The following CLASP1 variants were observed in gnomAD, a reference collection of about 807,000 sequenced individuals.
The protein encoded by CLASP1 is cytoplasmic linker associated protein 1.
Under a neutral mutation model 192.3 loss-of-function variants are expected in CLASP1, and 38 were observed. The ratio of observed to expected loss-of-function variants is 0.20; its 90% CI spans 0.15 to 0.26. The LOEUF (loss-of-function observed/expected upper bound fraction) is 0.26. CLASP1 is among the 10% of genes least tolerant of loss of function. CLASP1 has a pLI of 1.00. For synonymous variants in CLASP1, 691 were observed against 712.8 expected (o/e 0.97, Z 0.49); for missense variants, 1,433 against 1,932.5 (o/e 0.74, Z 4.85).
intron 39 of CLASP1, among the ~76,000 whole-genome samples, chr2:121,344,844 C>T (rs1206252166): frequency 1.3e-5 from 2 of 152,064 alleles, no homozygotes; most frequent in African/African-American, 2.4e-5. Flanking sequence ...TTCATATGAA[C>T]ATACCAGAGC....
intron 2 of CLASP1, chr2:121,530,981 C>A (rs148828161): frequency 2.9e-6 from 2 of 700,310 alleles, no homozygotes; most frequent in South Asian, 3.0e-5. Flanking sequence ...AGAGCTTTTG[C>A]TTTATTTTGG....
chr2:121,595,916 A>T (rs776451569), intron 2 of CLASP1, among the ~76,000 whole-genome samples: 9 of 152,254 alleles, frequency 5.9e-5, no homozygotes, highest in Admixed American at 2.6e-4. Context: ...GGGCTTATAT[A>T]CATGGGCTTA....
chr2:121,587,517 T>C (rs899321768), intron 2 of CLASP1, among the ~76,000 whole-genome samples: 2 of 152,100 alleles, frequency 1.3e-5, no homozygotes, highest in East Asian at 3.9e-4. Context: ...CTTAGAAGAA[T>C]ATGTGATGAA....
chr2:121,625,504 G>A (rs1416277165), intron 1 of CLASP1, among the ~76,000 whole-genome samples: 5 of 142,076 alleles, frequency 3.5e-5, no homozygotes, highest in Non-Finnish European at 6.0e-5. Flanking sequence ...GCACAATCTC[G>A]GCTCAATGCA....
chr2:121,484,441 C>G (rs1483226332), intron 8 of CLASP1, among the ~76,000 whole-genome samples: 2 of 152,210 alleles, frequency 1.3e-5, no homozygotes, highest in African/African-American at 4.8e-5. Flanking sequence ...CACCAACAAA[C>G]ATCCCATGGT....
At chr2:121,563,334 A>T (rs1297754998) in intron 2 of CLASP1, among the ~76,000 whole-genome samples, 4 of 152,246 alleles carry the variant, frequency 2.6e-5, no homozygotes, top group Non-Finnish European at 4.4e-5. Flanking sequence ...AAGGAGATGT[A>T]TAAAGCAACA....
chr2:121,589,566 G>T (rs1315247337), intron 2 of CLASP1, among the ~76,000 whole-genome samples: 1 of 150,756 alleles, frequency 6.6e-6, no homozygotes, highest in Non-Finnish European at 1.5e-5. Flanking sequence ...GGAGGCAGAG[G>T]TTGCGGTGAG....
chr2:121,530,873 C>G lies in CLASP1; in HGVS notation c.196-548G>C, dbSNP rs376053483. The G allele has an allele frequency of 5.7e-4, 391 of 683,854 alleles. No homozygotes were observed. The highest frequency in any genetic ancestry group is 3.0e-3 in the Middle Eastern group (8 of 2,678). 42.4% of individuals were successfully genotyped at this position (683,854 alleles called of 1,614,324 possible). ...TTCCTGCTTGCAGCCCAGGGACTTT[C>G]TATTATAACCATCCTTTTCTTGGGG... On this transcript the variant is annotated intron_variant, in intron 2 of 39. Transcript: ENST00000263710.
chr2:121,343,059 TA>T (rs1245308398), intron 39 of CLASP1, among the ~76,000 whole-genome samples: 1 of 152,204 alleles, frequency 6.6e-6, no homozygotes, highest in Non-Finnish European at 1.5e-5. Context: ...ACCAGTCAAA[TA>T]ATTTTCAACA....
At chr2:121,591,549 A>G (rs1277553306) in intron 2 of CLASP1, among the ~76,000 whole-genome samples, 4 of 152,160 alleles carry the variant, frequency 2.6e-5, no homozygotes, top group Non-Finnish European at 4.4e-5. Context: ...CTAAATTCCT[A>G]TACTACAGTG....
chr2:121,380,582 CAA>C (rs1294934950), intron 33 of CLASP1, among the ~76,000 whole-genome samples: 1 of 152,090 alleles, frequency 6.6e-6, no homozygotes, highest in Non-Finnish European at 1.5e-5. Flanking sequence ...GTCAGGTCTC[CAA>C]GAGAGAGAAA....
chr2:121,343,794 G>A (rs2063089329), intron 39 of CLASP1, among the ~76,000 whole-genome samples: 1 of 152,202 alleles, frequency 6.6e-6, no homozygotes, highest in South Asian at 2.1e-4. Context: ...TAGTTACAAT[G>A]GGTCGGATGA....
At chr2:121,415,029 C>G (rs1174082245) in intron 23 of CLASP1, among the ~76,000 whole-genome samples, 1 of 152,176 alleles carries the variant, frequency 6.6e-6, no homozygotes, top group African/African-American at 2.4e-5. Flanking sequence ...ATCTTCCCGC[C>G]TTAGCCTTCC....
At chr2:121,368,375 ATTC>A (rs2067861525) in intron 34 of CLASP1, among the ~76,000 whole-genome samples, 1 of 152,062 alleles carries the variant, frequency 6.6e-6, no homozygotes, top group Non-Finnish European at 1.5e-5. Context: ...TAGGCATATC[ATTC>A]TTCTTTTAGA....
exon 40 of CLASP1, chr2:121,339,118 AACACACACAACACCACAC>A (rs1573448634): frequency 7.1e-6 from 1 of 141,206 alleles, no homozygotes; most frequent in East Asian, 2.1e-4. Flanking sequence ...TGCACGCACA[AACACACACAACACCACAC>A]ACACACACAC....
intron 33 of CLASP1, among the ~76,000 whole-genome samples, chr2:121,380,391 T>C (rs1243736010): frequency 1.3e-5 from 2 of 152,148 alleles, no homozygotes; most frequent in Non-Finnish European, 2.9e-5. Context: ...TGATCACCTG[T>C]AAATACTCTG....
intron 8 of CLASP1, among the ~76,000 whole-genome samples, chr2:121,499,983 C>T (rs1024450836): frequency 3.3e-5 from 5 of 152,088 alleles, no homozygotes; most frequent in Admixed American, 6.5e-5. Context: ...GAAGTTCTAG[C>T]CAGTGCAATA....
chr2:121,595,280 T>C (rs1001068317), intron 2 of CLASP1, among the ~76,000 whole-genome samples: 7 of 152,194 alleles, frequency 4.6e-5, no homozygotes, highest in Admixed American at 6.5e-5. Context: ...ACTTAAAGAA[T>C]AGGAATAATC....
chr2:121,384,093 T>C (rs2072552800), intron 32 of CLASP1, among the ~76,000 whole-genome samples: 1 of 135,808 alleles, frequency 7.4e-6, no homozygotes, highest in African/African-American at 2.7e-5. Context: ...TATGTATATA[T>C]ACACACATAT....
Sources: gnomAD v4.1 joint callset for allele counts (sites outside exome capture counted in the v4.1 genomes callset) on GRCh38, gnomAD v4.1.1 for gene constraint, MANE v1.5 for transcripts, NCBI Gene and HGNC (gene_info 2026-07-23, HGNC 2026-07-21) for gene names.